Variants in JADE2 observed in about 807,000 individuals in gnomAD.
JADE2 encodes the protein E3 ubiquitin-protein ligase Jade-2.
Under a neutral mutation model 85.7 loss-of-function variants are expected in JADE2, and 13 were observed. That is an observed-to-expected ratio of 0.15 (90% CI 0.10 to 0.24). The LOEUF (loss-of-function observed/expected upper bound fraction) is 0.24. Ranked by LOEUF, JADE2 falls within the 10% of genes least tolerant of loss-of-function variation. JADE2 has a pLI of 1.00. For synonymous variants in JADE2, 440 were observed against 456.1 expected, an observed-to-expected ratio of 0.96 and a Z score of 0.45; for missense variants, 846 against 1,115.9, an observed-to-expected ratio of 0.76 and a Z score of 3.45.
Position 134,562,140 on chromosome 5 carries a change from T to A in JADE2, c.685-60T>A. ...TGGCACTGGACCAAATGCAGCTGAC[T>A]GCTGACCAGACACAGATTGGCCAGT... On this transcript the variant is annotated intron_variant, in intron 6 of 11. Coordinates refer to ENST00000681547, the MANE Select transcript of JADE2 (RefSeq NM_001388185.1). The surrounding 1 kb of genome is among the most constrained non-coding windows in gnomAD (Gnocchi z 4.6). 3.9e-6 allele frequency: 6 copies of A among 1,522,494 alleles called. No individual in the cohort carries two copies. In the Admixed American group the frequency reaches 5.6e-5, roughly 14 times the overall value. The allele number at this position is 1,522,494 out of a possible 1,614,324, so 94.3% of individuals were successfully genotyped here. A position where few individuals can be genotyped will look rare whatever the true frequency, so the allele number is the denominator to read the frequency against.
At chr5:134,541,793 C>A (rs1361336603) in intron 3 of JADE2, among the ~76,000 whole-genome samples, 2 of 152,220 alleles carry the variant, frequency 1.3e-5, no homozygotes, top group Non-Finnish European at 2.9e-5. Flanking sequence ...CCTTTGATGA[C>A]CTCTCAGGGG....
chr5:134,556,937 A>G (rs1051273409), intron 4 of JADE2, among the ~76,000 whole-genome samples: 41 of 116,306 alleles, frequency 3.5e-4, no homozygotes, highest in Non-Finnish European at 5.8e-4. Context: ...ACAGCACACA[A>G]CACATACACA....
At position 134,562,178 on chromosome 5, in the gene JADE2, T is replaced by C; in HGVS notation, c.685-22T>C. ...CAGATTGGCCAGTTCCGCTGACTCATGACCACCCTGCTCTCTCCTAGGCAT... is the reference window on the plus strand; with the variant it reads ...CAGATTGGCCAGTTCCGCTGACTCACGACCACCCTGCTCTCTCCTAGGCAT... On this transcript the variant is annotated intron_variant, in intron 6 of 11. Transcript: ENST00000681547. The surrounding 1 kb of genome is among the most constrained non-coding windows in gnomAD (Gnocchi z 4.6). The C allele has an allele frequency of 6.3e-7, 1 of 1,586,810 alleles. No individual in the cohort carries two copies. The highest frequency in any genetic ancestry group is 8.6e-7 in the Non-Finnish European group (1 of 1,164,618).
At chr5:134,526,219 A>G in intron 1 of JADE2, 1 of 985,386 alleles carries the variant, frequency 1.0e-6, no homozygotes, top group Non-Finnish European at 1.2e-6. Flanking sequence ...CATGTTGGTC[A>G]GTCGTGTTTT....
At chr5:134,529,820 G>A (rs1211434492) in intron 1 of JADE2, among the ~76,000 whole-genome samples, 1 of 152,224 alleles carries the variant, frequency 6.6e-6, no homozygotes, top group Admixed American at 6.5e-5. Context: ...CAAAGAGTAG[G>A]GTGAGAAGGT....
intron 3 of JADE2, among the ~76,000 whole-genome samples, chr5:134,545,121 G>C (rs898506127): frequency 6.6e-6 from 1 of 152,212 alleles, no homozygotes; most frequent in Non-Finnish European, 1.5e-5. Context: ...GTGGTTTTGA[G>C]CCAAGTTTCC....
At chr5:134,552,987 CTTT>C (rs34182692) in intron 4 of JADE2, among the ~76,000 whole-genome samples, 10 of 62,390 alleles carry the variant, frequency 1.6e-4, no homozygotes, top group Non-Finnish European at 1.9e-4. Context: ...TGGGCCTGGC[CTTT>C]TTTTTTTTTT....
At chr5:134,571,954 T>TCAGCACCCCAA (rs1764051665) in intron 9 of JADE2, among the ~76,000 whole-genome samples, 1 of 152,220 alleles carries the variant, frequency 6.6e-6, no homozygotes, top group Admixed American at 6.5e-5. Context: ...CCCCCAAGTG[T>TCAGCACCCCAA]GGGTCGGAGC....
At chr5:134,553,693 C>T (rs1171471573) in intron 4 of JADE2, among the ~76,000 whole-genome samples, 1 of 152,162 alleles carries the variant, frequency 6.6e-6, no homozygotes, top group Non-Finnish European at 1.5e-5. Flanking sequence ...TACGGGAGTT[C>T]TTAGAGGGGG....
intron 3 of JADE2, 69 bp from the exon 4 acceptor site, chr5:134,551,982 TC>T (rs1339698168): frequency 6.8e-7 from 1 of 1,478,168 alleles, no homozygotes; most frequent in Non-Finnish European, 9.4e-7. Flanking sequence ...ATCTGCCTCT[TC>T]CTCTGGCCTG....
At chr5:134,526,477 G>A (rs1220455169) in intron 1 of JADE2, 2 of 985,300 alleles carry the variant, frequency 2.0e-6, no homozygotes, top group East Asian at 1.1e-4. Flanking sequence ...AGAACCTGGA[G>A]CTATCTGCCC....
chr5:134,559,569 C>A (rs1208664282), intron 4 of JADE2, among the ~76,000 whole-genome samples: 1 of 152,226 alleles, frequency 6.6e-6, no homozygotes, highest in African/African-American at 2.4e-5. Context: ...CGGATCAGCC[C>A]TGACTCCCAT....
chr5:134,531,020 A>G (rs1761199054), intron 1 of JADE2, among the ~76,000 whole-genome samples: 1 of 152,242 alleles, frequency 6.6e-6, no homozygotes, highest in East Asian at 1.9e-4. Flanking sequence ...GACATGCAAC[A>G]AGTAGCTCAA....
rs1764744877 is a variant in JADE2 at position 134,582,198 on chromosome 5, G to GTA, written c.*2883_*2884dup. 1 of 152,246 alleles carries GTA rather than the reference G, an allele frequency of 6.6e-6. No individual in the cohort carries two copies. Among genetic ancestry groups the GTA allele is most frequent in the African/African-American group, 2.4e-5 (1 of 41,460 alleles). 9.4% of individuals were successfully genotyped at this position (152,246 alleles called of 1,614,324 possible). ...TAATGTGCAAGAAAAGTATTTTTAT[G>GTA]TATCATAAATGTATTTTGAAACAAA... On this transcript the variant is annotated 3_prime_UTR_variant, in exon 12 of 12. Transcript: ENST00000681547.
chr5:134,531,889 T>C lies in JADE2; in HGVS notation c.1-3969T>C, dbSNP rs1245160880. On this transcript the variant is annotated intron_variant, in intron 1 of 11. Coordinates refer to ENST00000681547, the MANE Select transcript of JADE2 (RefSeq NM_001388185.1). The stretch of plus-strand genomic sequence containing the variant: ...GATGAGCCACCGTGCCTGGCTTTTT[T>C]TTTTTTTTTTTTTTTTTTTTTTTTG... Among the ~76,000 whole-genome samples, 10 of 119,024 alleles carry C rather than the reference T, an allele frequency of 8.4e-5. 1 individual carries two copies. In the South Asian group the frequency reaches 3.1e-3, roughly 36 times the overall value. The allele number at this position is 119,024 out of a possible 152,430, so 78.1% of individuals were successfully genotyped here.
chr5:134,551,533 T>A (rs568130854), intron 3 of JADE2, among the ~76,000 whole-genome samples: 1 of 151,722 alleles, frequency 6.6e-6, no homozygotes, highest in South Asian at 2.1e-4. Context: ...CTGGCCCTTT[T>A]TTTTTTTTTT....
chr5:134,563,110 G>T (rs1406731046), intron 7 of JADE2, among the ~76,000 whole-genome samples: 5 of 152,156 alleles, frequency 3.3e-5, no homozygotes, highest in Admixed American at 2.6e-4. Flanking sequence ...TTGAGGTGAG[G>T]AGTTCAAGAC....
chr5:134,554,457 G>A (rs1762792611), intron 4 of JADE2, among the ~76,000 whole-genome samples: 1 of 152,266 alleles, frequency 6.6e-6, no homozygotes, highest in East Asian at 1.9e-4. Context: ...TCTACTTGAT[G>A]TCAGTGTCAT....
intron 9 of JADE2, among the ~76,000 whole-genome samples, chr5:134,573,311 C>G (rs1158216689): frequency 6.6e-6 from 1 of 152,146 alleles, no homozygotes; most frequent in Non-Finnish European, 1.5e-5. Flanking sequence ...GGGAGGCAGC[C>G]TGGCTGACCT....
Sources: allele counts gnomAD v4.1 joint callset (sites outside exome capture counted in the v4.1 genomes callset), GRCh38; gene constraint gnomAD v4.1.1; non-coding constraint Gnocchi (gnomAD v3.1); transcripts MANE v1.5; gene names NCBI Gene and HGNC (gene_info 2026-07-23, HGNC 2026-07-21).